The following PTPN14 variants were observed in gnomAD, a reference collection of about 807,000 sequenced individuals.
The protein encoded by PTPN14 is protein tyrosine phosphatase non-receptor type 14.
Under a neutral mutation model 126.8 loss-of-function variants are expected in PTPN14, and 53 were observed. The observed-to-expected ratio is 0.42, with a 90% CI of 0.34 to 0.53. The LOEUF (loss-of-function observed/expected upper bound fraction) is 0.53, where lower values mean the gene tolerates loss of function less well. Among genes scored for constraint, PTPN14 ranks in the 20% least tolerant of loss-of-function variants. The probability of loss-of-function intolerance (pLI) is 0.08; values close to 1 mark genes in which losing one functional copy is unlikely to be tolerated. For missense variants in PTPN14, 1,257 were observed against 1,552.9 expected (o/e 0.81, Z 3.20); for synonymous variants, 630 against 599.3 (o/e 1.05, Z -0.75).
intron 1 of PTPN14, among the ~76,000 whole-genome samples, chr1:214,476,289 G>A (rs143434437): frequency 6.6e-6 from 1 of 152,282 alleles, no homozygotes; most frequent in African/African-American, 2.4e-5. Flanking sequence ...CAAATGGAAA[G>A]GTTTTCCAGC....
At chr1:214,473,141 T>G (rs1660797838) in intron 1 of PTPN14, among the ~76,000 whole-genome samples, 2 of 150,696 alleles carry the variant, frequency 1.3e-5, no homozygotes, top group Admixed American at 1.3e-4. Flanking sequence ...CTCTCATTTT[T>G]AATTAAAAAA....
intron 1 of PTPN14, among the ~76,000 whole-genome samples, chr1:214,468,415 G>C (rs1660687016): frequency 1.3e-5 from 2 of 152,148 alleles, no homozygotes; most frequent in African/African-American, 2.4e-5. Flanking sequence ...AATTAGCCAG[G>C]CATGGTGGTG....
chr1:214,517,155 G>C (rs1352368442), intron 1 of PTPN14, among the ~76,000 whole-genome samples: 1 of 152,092 alleles, frequency 6.6e-6, no homozygotes, highest in Admixed American at 6.5e-5. Flanking sequence ...TCTTTTACAG[G>C]GCAACTGCCA....
intron 3 of PTPN14, among the ~76,000 whole-genome samples, chr1:214,439,365 T>A (rs1012937371): frequency 6.6e-6 from 1 of 152,216 alleles, no homozygotes; most frequent in Non-Finnish European, 1.5e-5. Context: ...ACATCTATCT[T>A]TTCTACCTTC....
chr1:214,492,530 T>C (rs944874945), intron 1 of PTPN14, among the ~76,000 whole-genome samples: 1 of 152,194 alleles, frequency 6.6e-6, no homozygotes, highest in African/African-American at 2.4e-5. Flanking sequence ...TGTGTATACG[T>C]TGGGACATTT....
rs76763910 is a variant in PTPN14 at position 214,378,017 on chromosome 1, C to T, written c.2630G>A (p.Arg877Gln). The change falls in exon 14 of 19, where the codon CGA becomes CAA. Residue 877 changes from arginine (R) to glutamine (Q), a missense_variant. Arg to Gln is a conservative substitution (Grantham distance 43, BLOSUM62 1). Coordinates refer to ENST00000366956, the MANE Select transcript of PTPN14 (RefSeq NM_005401.5). ...LAALNGLSVARVSGREENRVD... is the reference protein window; with the variant it reads ...LAALNGLSVAQVSGREENRVD... ...TCGATTCTCTTCCCGCCCTGAGACT[C>T]GAGCCACCGAGAGCCCATTCAATGC... 9.9e-4 allele frequency: 1,597 copies of T among 1,611,146 alleles called. 12 individuals are homozygous for T. In the African/African-American group the frequency reaches 0.018, roughly 19 times the overall value.
intron 1 of PTPN14, among the ~76,000 whole-genome samples, chr1:214,521,586 G>A (rs1354176069): frequency 6.6e-6 from 1 of 152,070 alleles, no homozygotes; most frequent in African/African-American, 2.4e-5. Flanking sequence ...GTGGTGGCGT[G>A]TGCCTGTAAT....
At chr1:214,367,348 T>C (rs1345663775) in intron 17 of PTPN14, among the ~76,000 whole-genome samples, 3 of 152,200 alleles carry the variant, frequency 2.0e-5, no homozygotes, top group Non-Finnish European at 4.4e-5. Context: ...CAATCATCCT[T>C]CTACTCTCTG....
chr1:214,474,863 G>C (rs1231350862), intron 1 of PTPN14, among the ~76,000 whole-genome samples: 1 of 152,192 alleles, frequency 6.6e-6, no homozygotes, highest in Non-Finnish European at 1.5e-5. Context: ...GATTTCCAGA[G>C]AGACATGATT....
intron 3 of PTPN14, among the ~76,000 whole-genome samples, chr1:214,428,955 A>G (rs1283061122): frequency 6.6e-6 from 1 of 152,232 alleles, no homozygotes; most frequent in Non-Finnish European, 1.5e-5. Flanking sequence ...TTACTAAGCC[A>G]TGCATTTCTG....
At chr1:214,512,091 C>T (rs1370902908) in intron 1 of PTPN14, among the ~76,000 whole-genome samples, 67 of 152,128 alleles carry the variant, frequency 4.4e-4, no homozygotes, top group Non-Finnish European at 4.4e-5. Flanking sequence ...TGCCCCAGCA[C>T]ATCTTCCACA....
At position 214,449,067 on chromosome 1, in the gene PTPN14, C is replaced by T. The variant is rs549088447; in HGVS notation, c.344+2738G>A. On this transcript the variant is annotated intron_variant, in intron 3 of 18. Coordinates refer to ENST00000366956, the MANE Select transcript of PTPN14 (RefSeq NM_005401.5). ...TTTCGCCCAAGCTGGACTGCAGTGG[C>T]GCTATCCCGGCTCACTGCAAGCTCC... Among the ~76,000 whole-genome samples, 245 of 137,436 alleles carry T rather than the reference C, an allele frequency of 1.8e-3. 1 individual carries two copies. The highest frequency in any genetic ancestry group is 6.3e-3 in the African/African-American group (224 of 35,822). 90.2% of individuals were successfully genotyped at this position (137,436 alleles called of 152,430 possible).
At chr1:214,492,215 G>A (rs1558127854) in intron 1 of PTPN14, among the ~76,000 whole-genome samples, 2 of 151,976 alleles carry the variant, frequency 1.3e-5, no homozygotes, top group Non-Finnish European at 2.9e-5. Context: ...AACTTCGGGA[G>A]AATATAATAA....
rs192823811 is a variant in PTPN14, at chr1:214,381,821, G to A, written c.2544+1490C>T. On this transcript the variant is annotated intron_variant, in intron 13 of 18. Transcript: ENST00000366956. ...TTATGGTGCAGCCATGGTGAATGAA[G>A]AGAAGTCAATCTGGCTTTGATTAGT... Among the ~76,000 whole-genome samples the A allele has an allele frequency of 3.3e-5, 5 of 152,348 alleles. No individual in the cohort carries two copies. In the East Asian group the frequency reaches 9.6e-4, roughly 29 times the overall value.
At chr1:214,454,640 T>C (rs927524726) in intron 2 of PTPN14, among the ~76,000 whole-genome samples, 2 of 152,034 alleles carry the variant, frequency 1.3e-5, no homozygotes, top group African/African-American at 2.4e-5. Flanking sequence ...ACAAGAGAAA[T>C]GATAGTAAGG....
At chr1:214,377,879 C>T (rs1658378660) in intron 14 of PTPN14, 80 bp downstream of exon 14, 1 of 1,489,740 alleles carries the variant, frequency 6.7e-7, no homozygotes, top group African/African-American at 1.4e-5. Context: ...AATCTCAATG[C>T]TGGCATATTC....
At chr1:214,495,000 C>G (rs1661329028) in intron 1 of PTPN14, among the ~76,000 whole-genome samples, 1 of 152,164 alleles carries the variant, frequency 6.6e-6, no homozygotes, top group African/African-American at 2.4e-5. Context: ...GACCTAGAAG[C>G]AACTGTCTGA....
Position 214,520,065 on chromosome 1 carries a change from A to AAAATATAT in PTPN14, c.-155+31117_-155+31118insATATATTT. Among the ~76,000 whole-genome samples, 436 of 71,086 alleles carry AAAATATAT rather than the reference A, an allele frequency of 6.1e-3. 12 individuals are homozygous for AAAATATAT. The highest frequency in any genetic ancestry group is 0.028 in the African/African-American group (378 of 13,668). 46.6% of individuals were successfully genotyped at this position (71,086 alleles called of 152,430 possible). On this transcript the variant is annotated intron_variant, in intron 1 of 18. Transcript: ENST00000366956. ...CCTGTCTCAAAAAAAAAAAAAAAAA[A>AAAATATAT]ATATATATATATATATATGCAGAAT...
chr1:214,513,563 ACT>A (rs1374925289), intron 1 of PTPN14, among the ~76,000 whole-genome samples: 1 of 151,426 alleles, frequency 6.6e-6, no homozygotes, highest in African/African-American at 2.4e-5. Context: ...CAGTCCCACC[ACT>A]CTCTGTGTGC....
Sources: allele counts gnomAD v4.1 joint callset (sites outside exome capture counted in the v4.1 genomes callset), GRCh38; gene constraint gnomAD v4.1.1; transcripts MANE v1.5; gene names NCBI Gene and HGNC (gene_info 2026-07-23, HGNC 2026-07-21).